AP3B1: variants seen among roughly 807,000 people sequenced by gnomAD.
The protein encoded by AP3B1 is AP-3 complex subunit beta-1.
AP3B1 carries 61 observed loss-of-function variants against 132.5 expected under a neutral mutation model. The ratio of observed to expected loss-of-function variants is 0.46; its 90% CI spans 0.37 to 0.57. The LOEUF (loss-of-function observed/expected upper bound fraction) is 0.57, where lower values mean the gene tolerates loss of function less well. Among genes scored for constraint, AP3B1 ranks in the 20% least tolerant of loss-of-function variants. The probability of loss-of-function intolerance (pLI) is 0.00; values close to 1 mark genes in which losing one functional copy is unlikely to be tolerated. For missense variants in AP3B1, 1,120 were observed against 1,289.4 expected (o/e 0.87, Z 2.01); for synonymous variants, 388 against 438.3 (o/e 0.89, Z 1.43).
chr5:78,105,928 T>C (rs1442637924), intron 20 of AP3B1, among the ~76,000 whole-genome samples: 1 of 152,174 alleles, frequency 6.6e-6, no homozygotes, highest in Non-Finnish European at 1.5e-5. Flanking sequence ...CCACCTGTGG[T>C]TCTCACCCTT....
intron 22 of AP3B1, among the ~76,000 whole-genome samples, chr5:78,053,084 C>T (rs533679020): frequency 4.3e-4 from 66 of 152,158 alleles, no homozygotes; most frequent in Non-Finnish European, 8.1e-4. Context: ...GTGATAATTA[C>T]GTGATCTTAG....
chr5:78,105,941 G>A (rs888262345), intron 20 of AP3B1, among the ~76,000 whole-genome samples: 1 of 152,122 alleles, frequency 6.6e-6, no homozygotes, highest in African/African-American at 2.4e-5. Context: ...TCACCCTTTT[G>A]ACTATCCCAT....
chr5:78,139,113 T>C (rs973004909), intron 15 of AP3B1, among the ~76,000 whole-genome samples: 3 of 149,278 alleles, frequency 2.0e-5, no homozygotes, highest in African/African-American at 7.4e-5. Context: ...AAACATGCTC[T>C]ACAATAAACA....
chr5:78,119,930 C>T (rs1489601139), intron 17 of AP3B1, among the ~76,000 whole-genome samples: 2 of 152,164 alleles, frequency 1.3e-5, no homozygotes, highest in African/African-American at 4.8e-5. Flanking sequence ...ACGTTAAGGG[C>T]AGCCAGAGAG....
chr5:78,030,797 C>T (rs1219488095), intron 24 of AP3B1, among the ~76,000 whole-genome samples: 7 of 152,144 alleles, frequency 4.6e-5, no homozygotes. Flanking sequence ...CCACTTCAGT[C>T]TCCCAAGTGG....
chr5:78,203,103 A>C (rs542484049), intron 7 of AP3B1, among the ~76,000 whole-genome samples: 1 of 152,080 alleles, frequency 6.6e-6, no homozygotes, highest in Non-Finnish European at 1.5e-5. Flanking sequence ...TGTTGATCTT[A>C]TTGAGGAAAC....
At chr5:78,083,688 G>C (rs1750110559) in intron 22 of AP3B1, among the ~76,000 whole-genome samples, 1 of 152,112 alleles carries the variant, frequency 6.6e-6, no homozygotes, top group East Asian at 1.9e-4. Context: ...AAAACATGCT[G>C]TGTTTATAAA....
At chr5:78,113,196 G>A (rs1261447113) in intron 19 of AP3B1, among the ~76,000 whole-genome samples, 1 of 152,200 alleles carries the variant, frequency 6.6e-6, no homozygotes, top group African/African-American at 2.4e-5. Context: ...GGGGAAAACA[G>A]AGTTGCACAA....
At chr5:78,156,478 T>C in intron 13 of AP3B1, 111 bp from the exon 14 acceptor site, 1 of 822,116 alleles carries the variant, frequency 1.2e-6, no homozygotes, top group South Asian at 1.6e-5. Flanking sequence ...AATACAAGCC[T>C]TAAAAGACTA....
At chr5:78,283,831 T>TA (rs1470324668) in intron 1 of AP3B1, among the ~76,000 whole-genome samples, 3 of 146,890 alleles carry the variant, frequency 2.0e-5, no homozygotes, top group African/African-American at 2.5e-5. Flanking sequence ...GTGATCTTTT[T>TA]AAAAAATAAA....
At chr5:78,240,261 A>G (rs180849364) in intron 3 of AP3B1, among the ~76,000 whole-genome samples, 30 of 152,322 alleles carry the variant, frequency 2.0e-4, no homozygotes, top group Non-Finnish European at 7.3e-5. Flanking sequence ...ACTGAGAAAA[A>G]TTTATCAATT....
intron 14 of AP3B1, among the ~76,000 whole-genome samples, chr5:78,150,436 T>G (rs2112344519): frequency 6.6e-6 from 1 of 152,294 alleles, no homozygotes; most frequent in Non-Finnish European, 1.5e-5. Context: ...GCATAGTTAA[T>G]GAAGTGCTGG....
At chr5:78,038,511 T>A (rs917005603) in intron 23 of AP3B1, among the ~76,000 whole-genome samples, 1 of 152,196 alleles carries the variant, frequency 6.6e-6, no homozygotes, top group South Asian at 2.1e-4. Flanking sequence ...TATGAATTTG[T>A]GTTAGGCTGC....
chr5:78,010,651 G>C (rs1384821721), intron 26 of AP3B1, among the ~76,000 whole-genome samples: 1 of 152,084 alleles, frequency 6.6e-6, no homozygotes, highest in African/African-American at 2.4e-5. Context: ...AGAATCACAT[G>C]AAAGTTTTCC....
chr5:78,137,273 C>A (rs1195343504), intron 15 of AP3B1, among the ~76,000 whole-genome samples: 1 of 152,070 alleles, frequency 6.6e-6, no homozygotes, highest in Non-Finnish European at 1.5e-5. Flanking sequence ...CTTGGGTACA[C>A]CTCAAATTTC....
At chr5:78,096,997 G>A (rs1217412067) in intron 21 of AP3B1, among the ~76,000 whole-genome samples, 1 of 131,222 alleles carries the variant, frequency 7.6e-6, no homozygotes. Context: ...CAGCCGCCCT[G>A]TCCGGGAGGG....
At chr5:78,052,343 TA>T (rs1410185797) in intron 22 of AP3B1, among the ~76,000 whole-genome samples, 1 of 152,194 alleles carries the variant, frequency 6.6e-6, no homozygotes, top group African/African-American at 2.4e-5. Flanking sequence ...TGCTCGGTAT[TA>T]AGCAGGCACC....
chr5:78,015,289 T>C, intron 26 of AP3B1, 121 bp downstream of exon 26: 35 of 1,027,584 alleles, frequency 3.4e-5, no homozygotes, highest in Non-Finnish European at 4.8e-5. Flanking sequence ...AAAAAGGGAG[T>C]GTGTGTATAT....
intron 7 of AP3B1, among the ~76,000 whole-genome samples, chr5:78,195,447 C>A (rs1470304356): frequency 6.6e-6 from 1 of 152,154 alleles, no homozygotes; most frequent in Non-Finnish European, 1.5e-5. Flanking sequence ...CTCATAAATA[C>A]AGCCAACTGC....
Sources: allele counts gnomAD v4.1 joint callset (sites outside exome capture counted in the v4.1 genomes callset), GRCh38; gene constraint gnomAD v4.1.1; transcripts MANE v1.5; gene names NCBI Gene and HGNC (gene_info 2026-07-23, HGNC 2026-07-21).